SYNPO: variants seen among roughly 807,000 people sequenced by gnomAD.
SYNPO encodes synaptopodin.
Under a neutral mutation model 49.5 loss-of-function variants are expected in SYNPO, and 19 were observed. The ratio of observed to expected loss-of-function variants is 0.38; its 90% CI spans 0.27 to 0.56. The LOEUF (loss-of-function observed/expected upper bound fraction) is 0.56, where lower values mean the gene tolerates loss of function less well. Among genes scored for constraint, SYNPO ranks in the 20% least tolerant of loss-of-function variants. The pLI is 0.68. For synonymous variants in SYNPO, 536 were observed against 548.0 expected (o/e 0.98, Z 0.31); for missense variants, 1,131 against 1,248.3 (o/e 0.91, Z 1.42).
chr5:150,594,806 A>G, the SYNPO span, among the ~76,000 whole-genome samples: 15 of 152,330 alleles, frequency 9.8e-5, no homozygotes, highest in East Asian at 2.9e-3. Context: ...AGATGGGGAA[A>G]GTCCTTCCAA....
intron 2 of SYNPO, chr5:150,624,737 C>G (rs1757293455): frequency 1.0e-5 from 7 of 670,652 alleles, no homozygotes; most frequent in Non-Finnish European, 1.3e-5. Flanking sequence ...CGGAGCAGCC[C>G]GCTAGGCGGT....
chr5:150,593,761 G>A, the SYNPO span, among the ~76,000 whole-genome samples: 1 of 152,200 alleles, frequency 6.6e-6, no homozygotes, highest in African/African-American at 2.4e-5. Context: ...CGCCCGGGGT[G>A]TGGCCTATTT....
At position 150,608,025 on chromosome 5, in the gene SYNPO, T is replaced by C. The variant is rs545663420; in HGVS notation, c.-266+6837T>C. ...TAGTGCATGTGGCTAGTGGCCGCCA[T>C]GTTGGACGGCACAGTGCTATACTAT... On this transcript the variant is annotated intron_variant, in intron 1 of 2. Transcript: ENST00000394243. Among the ~76,000 whole-genome samples the C allele has an allele frequency of 2.4e-4, 37 of 152,364 alleles. 1 individual carries two copies. In the East Asian group the frequency reaches 4.6e-3, roughly 19 times the overall value.
upstream of SYNPO, among the ~76,000 whole-genome samples, chr5:150,638,464 A>G (rs1291694794): frequency 6.6e-6 from 1 of 152,240 alleles, no homozygotes; most frequent in Non-Finnish European, 1.5e-5. Context: ...CCAGGGATGA[A>G]TGGTGAAGCA....
chr5:150,598,190 T>G (rs1392698775), upstream of SYNPO, among the ~76,000 whole-genome samples: 1 of 151,768 alleles, frequency 6.6e-6, no homozygotes, highest in Non-Finnish European at 1.5e-5. Flanking sequence ...ATCTGAGAGT[T>G]TAACCAGGAC....
chr5:150,655,579 C>CTG (rs899092678), intron 2 of SYNPO, among the ~76,000 whole-genome samples: 1 of 152,288 alleles, frequency 6.6e-6, no homozygotes, highest in Non-Finnish European at 1.5e-5. Context: ...GTGCCTCAGA[C>CTG]TGTGTGCCCT....
At chr5:150,650,630 C>G in intron 2 of SYNPO, 1 of 1,444,798 alleles carries the variant, frequency 6.9e-7, no homozygotes, top group Non-Finnish European at 9.1e-7. Context: ...ATCCTCTGGC[C>G]TTTGTGAGCT....
chr5:150,591,155 G>A, the SYNPO span, among the ~76,000 whole-genome samples: 6 of 152,136 alleles, frequency 3.9e-5, no homozygotes, highest in Non-Finnish European at 7.4e-5. Context: ...CCTGACTCCC[G>A]GAGGCAGCCA....
At chr5:150,624,720 G>A in intron 2 of SYNPO, 2 of 532,330 alleles carry the variant, frequency 3.8e-6, no homozygotes, top group Non-Finnish European at 4.8e-6. Context: ...CTCCCAGCCC[G>A]GGGTCCCGGA....
intron 2 of SYNPO, among the ~76,000 whole-genome samples, chr5:150,631,147 T>A (rs900167823): frequency 6.6e-6 from 1 of 152,216 alleles, no homozygotes; most frequent in East Asian, 1.9e-4. Flanking sequence ...GCTCTTTTAC[T>A]TAGTCAACAA....
chr5:150,644,096 T>G (rs150724375), intron 1 of SYNPO, among the ~76,000 whole-genome samples: 1 of 151,014 alleles, frequency 6.6e-6, no homozygotes, highest in East Asian at 2.0e-4. Context: ...GATTACTTGA[T>G]CCTGGAAGGT....
chr5:150,605,884 G>A (rs1463399122), intron 1 of SYNPO, among the ~76,000 whole-genome samples: 3 of 151,688 alleles, frequency 2.0e-5, no homozygotes, highest in Non-Finnish European at 4.4e-5. Context: ...CACACAGACA[G>A]ATATACATAG....
chr5:150,590,419 A>G, the SYNPO span, among the ~76,000 whole-genome samples: 13 of 152,252 alleles, frequency 8.5e-5, 1 homozygote, highest in African/African-American at 2.9e-4. Context: ...GCTCCAGGCC[A>G]CACAGCAACT....
intron 2 of SYNPO, among the ~76,000 whole-genome samples, chr5:150,626,490 C>T (rs567107182): frequency 1.6e-4 from 25 of 152,200 alleles, no homozygotes; most frequent in Non-Finnish European, 3.1e-4. Context: ...CCAGGCCTGC[C>T]CCGTCTTTGC....
chr5:150,644,529 C>T (rs1019809414), intron 1 of SYNPO, among the ~76,000 whole-genome samples: 1 of 152,224 alleles, frequency 6.6e-6, no homozygotes, highest in African/African-American at 2.4e-5. Context: ...GCCAGGATAG[C>T]ATGAGCCCTC....
At position 150,641,148 on chromosome 5, in the gene SYNPO, G is replaced by C. The variant is rs1757890751; in HGVS notation, c.-333+294G>C. Among the ~76,000 whole-genome samples, 4 of 152,218 alleles carry C rather than the reference G, an allele frequency of 2.6e-5. No homozygotes were observed. The South Asian group carries it at 8.3e-4, about 31-fold the overall frequency. On this transcript the variant is annotated intron_variant, in intron 1 of 2. Transcript: ENST00000307662. The stretch of plus-strand genomic sequence containing the variant: ...GTCAGATTGCGCTCGCCATGACTCT[G>C]GGGATGGAGAATTCTCCAGGGCATG...
intron 1 of SYNPO, among the ~76,000 whole-genome samples, chr5:150,602,482 C>T (rs923958225): frequency 6.6e-6 from 1 of 152,056 alleles, no homozygotes; most frequent in South Asian, 2.1e-4. Flanking sequence ...ATCAAGCCAG[C>T]GGGTAGTTGG....
At chr5:150,653,368 G>C (rs1429253871) in intron 2 of SYNPO, 1 of 151,676 alleles carries the variant, frequency 6.6e-6, no homozygotes, top group African/African-American at 2.4e-5. Flanking sequence ...TGGCTGAATT[G>C]TTATTTCTTC....
intron 1 of SYNPO, among the ~76,000 whole-genome samples, chr5:150,612,750 T>C (rs1387894370): frequency 6.6e-6 from 1 of 152,176 alleles, no homozygotes; most frequent in Non-Finnish European, 1.5e-5. Flanking sequence ...GCTATTATCA[T>C]TGTTACTGGT....
Sources: gnomAD v4.1 joint callset for allele counts (sites outside exome capture counted in the v4.1 genomes callset) on GRCh38, gnomAD v4.1.1 for gene constraint, MANE v1.5 for transcripts, NCBI Gene and HGNC (gene_info 2026-07-23, HGNC 2026-07-21) for gene names.